The following MTF1 variants were observed in gnomAD, a reference collection of about 807,000 sequenced individuals.
The protein encoded by MTF1 is MRE-binding transcription factor.
Under a neutral mutation model 70.4 loss-of-function variants are expected in MTF1, and 22 were observed. The observed-to-expected ratio is 0.31, with a 90% CI of 0.22 to 0.45. MTF1 has a LOEUF of 0.45. Ranked by LOEUF, MTF1 falls within the 20% of genes least tolerant of loss-of-function variation. The pLI, the probability that MTF1 is intolerant of heterozygous loss-of-function variation, is 1.00. For synonymous variants in MTF1, 333 were observed against 352.8 expected (o/e 0.94, Z 0.63); for missense variants, 649 against 922.0 (o/e 0.70, Z 3.83).
At chr1:37,830,999 A>G (rs796362480) in intron 7 of MTF1, among the ~76,000 whole-genome samples, 4 of 152,318 alleles carry the variant, frequency 2.6e-5, no homozygotes, top group Admixed American at 6.5e-5. Flanking sequence ...TTGAGTTTTT[A>G]TAAGTTTGGC....
intron 2 of MTF1, among the ~76,000 whole-genome samples, chr1:37,856,322 C>T (rs1459523601): frequency 6.6e-6 from 1 of 150,796 alleles, no homozygotes; most frequent in African/African-American, 2.4e-5. Flanking sequence ...GGATTACAGG[C>T]ACCCGCCACT....
rs1640722336 is a variant in MTF1 at position 37,811,079 on chromosome 1, T to TAGA, written c.*4054_*4056dup. On this transcript the variant is annotated 3_prime_UTR_variant, in exon 11 of 11. Transcript: ENST00000373036. ...GGATGTGATTACAAATATAAAAGTC[T>TAGA]AGAAGGTGCCAGGTTTCTACCTAGG... is the stretch of plus-strand genomic sequence containing the variant. 6.6e-6 allele frequency: 1 copy of TAGA among 152,652 alleles called. No individual in the cohort carries two copies. The highest frequency in any genetic ancestry group is 2.4e-5 in the African/African-American group (1 of 41,438). 9.5% of individuals were successfully genotyped at this position (152,652 alleles called of 1,614,324 possible).
chr1:37,831,516 A>T (rs1228917040), intron 7 of MTF1, among the ~76,000 whole-genome samples: 1 of 152,212 alleles, frequency 6.6e-6, no homozygotes, highest in Non-Finnish European at 1.5e-5. Context: ...AAAAACCCAA[A>T]CTCAAAATTA....
chr1:37,846,033 T>G (rs1641327768), intron 2 of MTF1, among the ~76,000 whole-genome samples: 1 of 152,152 alleles, frequency 6.6e-6, no homozygotes, highest in Admixed American at 6.5e-5. Context: ...TGCAAAAACG[T>G]GTAGGTTTTC....
chr1:37,857,052 C>T (rs558727316), intron 2 of MTF1, among the ~76,000 whole-genome samples, 199 bp downstream of exon 2: 5 of 152,186 alleles, frequency 3.3e-5, no homozygotes, highest in Non-Finnish European at 7.4e-5. Context: ...ATTTGATATT[C>T]CCAAATTTCA....
At chr1:37,853,508 A>G (rs989850556) in intron 2 of MTF1, among the ~76,000 whole-genome samples, 1 of 152,214 alleles carries the variant, frequency 6.6e-6, no homozygotes, top group Non-Finnish European at 1.5e-5. Flanking sequence ...CAGAGACCTT[A>G]TAGCCTGCAA....
intron 2 of MTF1, among the ~76,000 whole-genome samples, chr1:37,847,956 C>G (rs1265779527): frequency 1.3e-5 from 2 of 152,054 alleles, no homozygotes; most frequent in East Asian, 3.8e-4. Context: ...AAAGTGAGAC[C>G]CTGTCTCAAA....
intron 8 of MTF1, 55 bp from the exon 9 acceptor site, chr1:37,822,771 C>T: frequency 3.1e-6 from 4 of 1,295,228 alleles, no homozygotes; most frequent in South Asian, 2.7e-5. Context: ...TTAGATGAGC[C>T]ACAAAAACAG....
chr1:37,850,784 C>G (rs1641407152), intron 2 of MTF1, among the ~76,000 whole-genome samples: 1 of 151,984 alleles, frequency 6.6e-6, no homozygotes, highest in South Asian at 2.1e-4. Context: ...AAGCCAACTC[C>G]ACACTATATG....
chr1:37,838,931 A>G (rs1169308716), intron 3 of MTF1, among the ~76,000 whole-genome samples, 175 bp from the exon 4 acceptor site: 1 of 150,168 alleles, frequency 6.7e-6, no homozygotes, highest in East Asian at 2.0e-4. Flanking sequence ...CAGCCTCCCA[A>G]GTAGATGGGA....
At chr1:37,823,357 C>G (rs1412933470) in intron 8 of MTF1, among the ~76,000 whole-genome samples, 1 of 151,876 alleles carries the variant, frequency 6.6e-6, no homozygotes, top group Non-Finnish European at 1.5e-5. Flanking sequence ...GTGGGAGGAT[C>G]ACTCAAGCCT....
rs1311492141 is a variant in MTF1 at position 37,810,068 on chromosome 1, A to T, written c.*5068T>A. 1 of 152,140 alleles carries T rather than the reference A, an allele frequency of 6.6e-6. No homozygotes were observed. Among genetic ancestry groups the T allele is most frequent in the Non-Finnish European group, 1.5e-5 (1 of 68,036 alleles). The allele number at this position is 152,140 out of a possible 1,614,324, so 9.4% of individuals were successfully genotyped here. A position where few individuals can be genotyped will look rare whatever the true frequency, so the allele number is the denominator to read the frequency against. On this transcript the variant is annotated 3_prime_UTR_variant, in exon 11 of 11. Transcript: ENST00000373036. ...CAGGAAAAGGGAACAGACACCTTGAACTCTGACCCCCACCCCCACATTCTC... is the reference window on the plus strand; with the variant it reads ...CAGGAAAAGGGAACAGACACCTTGATCTCTGACCCCCACCCCCACATTCTC...
chr1:37,822,620 A>C lies in MTF1; in HGVS notation c.1268T>G (p.Leu423Arg). ...GGGTGGCTCGGAGAGGCCAGGTTGC[A>C]GTACAAGTGGAAGAGATAAAGATGC... Reference protein sequence around the residue: ...NSASLSLPLVLQPGLSEPPQP... With the variant: ...NSASLSLPLVRQPGLSEPPQP... The change falls in exon 9 of 11, where the codon CTG (leucine) becomes CGG (arginine). Residue 423 changes from leucine to arginine, a missense_variant. This residue lies in a region of MTF1 where 267 missense variants were observed against 292.1 expected (regional missense o/e 0.91). Coordinates refer to ENST00000373036, the MANE Select transcript of MTF1 (RefSeq NM_005955.3). The C allele has an allele frequency of 1.2e-6, 2 of 1,614,038 alleles. No homozygotes were observed. Among genetic ancestry groups the C allele is most frequent in the Non-Finnish European group, 1.7e-6 (2 of 1,180,022 alleles).
At chr1:37,819,591 T>G (rs1640878771) in intron 9 of MTF1, among the ~76,000 whole-genome samples, 1 of 152,138 alleles carries the variant, frequency 6.6e-6, no homozygotes, top group African/African-American at 2.4e-5. Flanking sequence ...AATTTAAAAT[T>G]GCCTCTAAGA....
chr1:37,846,679 T>C (rs1042533417), intron 2 of MTF1, among the ~76,000 whole-genome samples: 2 of 151,544 alleles, frequency 1.3e-5, no homozygotes. Flanking sequence ...AGAAGAAAGG[T>C]GAATGGGATA....
intron 7 of MTF1, chr1:37,828,307 GT>G (rs1363936441): frequency 5.2e-6 from 2 of 386,814 alleles, no homozygotes; most frequent in Non-Finnish European, 1.0e-5. Context: ...TATTTTGTTT[GT>G]TTTCTTTTGT....
rs114945712 is a variant in MTF1, at chr1:37,819,596, C to G, written c.1768-2114G>C. On this transcript the variant is annotated intron_variant, in intron 9 of 10. Coordinates refer to ENST00000373036, the MANE Select transcript of MTF1 (RefSeq NM_005955.3). ...CTAAAAAGGAAATTTAAAATTGCCT[C>G]TAAGATGAGTGTGGGAGGAAAGTGA... Among the ~76,000 whole-genome samples, 1,333 of 152,128 alleles carry G rather than the reference C, an allele frequency of 8.8e-3. 12 individuals carry two copies. The highest frequency in any genetic ancestry group is 0.013 in the Non-Finnish European group (878 of 68,002).
rs758390349 is a variant in MTF1, at chr1:37,823,769, A to C, written c.1112T>G (p.Phe371Cys). ...ATCTGAATTCTGGAACATTGATTCA[A>C]AGATGATTGCTGGTGAAATTGTGCT... The part of the protein sequence containing the change: ...DLSTISPAII[F>C]ESMFQNSDDT... Residue 371 changes from phenylalanine to cysteine, a missense_variant, in exon 8 of 11, where the codon TTT becomes TGT. By Grantham distance (205) the Phe-to-Cys change is radical. Around this residue, in one of 7 missense-constraint regions of MTF1, gnomAD observed 267 missense variants for 292.1 expected, o/e 0.91. Transcript: ENST00000373036. The C allele has an allele frequency of 5.6e-6, 9 of 1,614,150 alleles. No homozygotes were observed. The South Asian group carries it at 9.9e-5, about 18-fold the overall frequency.
chr1:37,829,936 C>A (rs1412214353), intron 7 of MTF1, among the ~76,000 whole-genome samples: 1 of 152,170 alleles, frequency 6.6e-6, no homozygotes, highest in Admixed American at 6.5e-5. Flanking sequence ...TAGTGCTTCT[C>A]TCTCTTGATT....
Sources: allele counts gnomAD v4.1 joint callset (sites outside exome capture counted in the v4.1 genomes callset), GRCh38; gene constraint gnomAD v4.1.1; regional missense constraint gnomAD v4.1.1; transcripts MANE v1.5; gene names NCBI Gene and HGNC (gene_info 2026-07-23, HGNC 2026-07-21).